The following ZFHX3 variants were observed in gnomAD, a reference collection of about 807,000 sequenced individuals.
ZFHX3 encodes the protein zinc finger homeobox 3.
ZFHX3 carries 42 observed loss-of-function variants against 279.1 expected under a neutral mutation model. The ratio of observed to expected loss-of-function variants is 0.15; its 90% CI spans 0.12 to 0.19. ZFHX3 has a LOEUF of 0.19. Among genes scored for constraint, ZFHX3 ranks in the 10% least tolerant of loss-of-function variants. The pLI, the probability that ZFHX3 is intolerant of heterozygous loss-of-function variation, is 1.00. For synonymous variants in ZFHX3, 2,293 were observed against 1,957.8 expected, an observed-to-expected ratio of 1.17 and a Z score of -4.52; for missense variants, 4,981 against 4,754.0, an observed-to-expected ratio of 1.05 and a Z score of -1.40.
chr16:72,858,915 A>G (rs576164615), intron 4 of ZFHX3, among the ~76,000 whole-genome samples: 11 of 152,300 alleles, frequency 7.2e-5, no homozygotes, highest in African/African-American at 2.4e-4. Flanking sequence ...AGCTTCAGAC[A>G]GCTCATCTAG....
chr16:72,837,281 T>C (rs569115332), intron 4 of ZFHX3, among the ~76,000 whole-genome samples: 1 of 152,302 alleles, frequency 6.6e-6, no homozygotes, highest in African/African-American at 2.4e-5. Flanking sequence ...ACAGGTAATT[T>C]TCCCACCCTG....
intron 2 of ZFHX3, among the ~76,000 whole-genome samples, chr16:73,565,246 C>A (rs2020433442): frequency 6.6e-6 from 1 of 151,226 alleles, no homozygotes; most frequent in Non-Finnish European, 1.5e-5. Flanking sequence ...AGAGCCAGAC[C>A]CCATCTCAAA....
intron 5 of ZFHX3, among the ~76,000 whole-genome samples, chr16:73,176,825 AT>A (rs1363556633): frequency 6.6e-6 from 1 of 152,060 alleles, no homozygotes; most frequent in Admixed American, 6.6e-5. Context: ...TGGGAATGCA[AT>A]GATGTAATAA....
chr16:73,647,024 C>CTTT (rs36121781), intron 2 of ZFHX3, among the ~76,000 whole-genome samples: 4 of 133,970 alleles, frequency 3.0e-5, no homozygotes, highest in Non-Finnish European at 4.7e-5. Flanking sequence ...TTTTTTTTTT[C>CTTT]TTTTTTTTTT....
intron 4 of ZFHX3, among the ~76,000 whole-genome samples, chr16:73,264,188 G>A (rs547625909): frequency 1.3e-5 from 2 of 152,250 alleles, no homozygotes; most frequent in African/African-American, 2.4e-5. Flanking sequence ...GGGCCTGGGA[G>A]TGAGTTTCTT....
In ZFHX3 at chr16:72,889,771, C is replaced by T; in HGVS notation, c.3408G>A (p.Gly1136=). 1.2e-6 allele frequency: 2 copies of T among 1,613,040 alleles called. No homozygotes were observed. The highest frequency in any genetic ancestry group is 2.2e-5 in the South Asian group (2 of 91,024). ...KGLPEEDEDL[G]QIFTIRRCPS... is the part of the protein sequence containing the mutation. ...GGCACCTGCGGATGGTGAAGATCTGCCCCAGGTCCTCGTCCTCCTCTGGAA... is the reference window on the plus strand; with the variant it reads ...GGCACCTGCGGATGGTGAAGATCTGTCCCAGGTCCTCGTCCTCCTCTGGAA... Residue 1136 remains glycine (G), a synonymous_variant, in exon 4 of 10, where the codon GGG becomes GGA. Transcript: ENST00000268489.
At chr16:73,547,241 A>G (rs907079980) in intron 2 of ZFHX3, among the ~76,000 whole-genome samples, 3 of 152,150 alleles carry the variant, frequency 2.0e-5, no homozygotes, top group African/African-American at 7.2e-5. Flanking sequence ...TTATATTTAC[A>G]GAGCAAACCC....
At chr16:73,533,633 T>C (rs1423154620) in intron 2 of ZFHX3, among the ~76,000 whole-genome samples, 1 of 152,094 alleles carries the variant, frequency 6.6e-6, no homozygotes, top group African/African-American at 2.4e-5. Context: ...GCATCTTCAC[T>C]TGAATTTTTA....
chr16:73,292,798 T>C (rs886208217), intron 4 of ZFHX3, among the ~76,000 whole-genome samples: 2 of 152,110 alleles, frequency 1.3e-5, no homozygotes, highest in African/African-American at 4.8e-5. Flanking sequence ...CCAGGTAGGC[T>C]TGATTCCAAG....
chr16:73,690,830 T>A (rs2053142724), intron 1 of ZFHX3, among the ~76,000 whole-genome samples: 1 of 152,196 alleles, frequency 6.6e-6, no homozygotes, highest in Non-Finnish European at 1.5e-5. Flanking sequence ...CCTTACACCA[T>A]CTGCTCGCAC....
At chr16:73,001,426 T>A (rs1447923519) in intron 1 of ZFHX3, among the ~76,000 whole-genome samples, 1 of 152,170 alleles carries the variant, frequency 6.6e-6, no homozygotes, top group Non-Finnish European at 1.5e-5. Context: ...AACTGTAAGA[T>A]AATAAGTGCT....
intron 4 of ZFHX3, among the ~76,000 whole-genome samples, chr16:73,294,811 CAA>C (rs113664978): frequency 4.5e-5 from 6 of 132,934 alleles, no homozygotes; most frequent in African/African-American, 8.0e-5. Context: ...GACTCCATCT[CAA>C]AAAAAAAAAA....
intron 4 of ZFHX3, among the ~76,000 whole-genome samples, chr16:73,304,165 G>A (rs1003524527): frequency 2.0e-5 from 3 of 152,092 alleles, no homozygotes; most frequent in African/African-American, 7.2e-5. Flanking sequence ...TCTGGTCTGT[G>A]TCCAGGTTCA....
intron 5 of ZFHX3, 110 bp downstream of exon 5, chr16:72,829,669 G>A: frequency 8.3e-7 from 1 of 1,211,544 alleles, no homozygotes. Flanking sequence ...GCAGACTAAG[G>A]ATGTATCCGC....
At chr16:73,522,466 C>T (rs2019623721) in intron 2 of ZFHX3, among the ~76,000 whole-genome samples, 1 of 152,106 alleles carries the variant, frequency 6.6e-6, no homozygotes, top group Admixed American at 6.5e-5. Context: ...ATGCCATTAT[C>T]CATAGCCCAG....
At chr16:73,583,533 G>A (rs1168942307) in intron 2 of ZFHX3, among the ~76,000 whole-genome samples, 1 of 152,118 alleles carries the variant, frequency 6.6e-6, no homozygotes, top group African/African-American at 2.4e-5. Flanking sequence ...CATAATTTGG[G>A]ATCATCAAAG....
rs760303298 is a variant in ZFHX3 at position 72,959,618 on chromosome 16, G to A, written c.528C>T (p.Gly176=). 1.1e-5 allele frequency: 17 copies of A among 1,613,992 alleles called. No homozygotes were observed. The highest frequency in any genetic ancestry group is 4.5e-5 in the East Asian group (2 of 44,888). The part of the protein sequence containing the change: ...LPSLFLNSLP[G]AGGKQGDPSC... The stretch of plus-strand genomic sequence containing the variant: ...AAGGGTCCCCTTGCTTGCCCCCCGC[G>A]CCAGGGAGAGAGTTCAGGAAAAGCG... The change falls in exon 2 of 10, where the codon GGC becomes GGT. Residue 176 remains glycine (G), a synonymous_variant. Transcript: ENST00000268489.
chr16:73,300,950 G>A (rs563765750), intron 4 of ZFHX3, among the ~76,000 whole-genome samples: 1 of 152,302 alleles, frequency 6.6e-6, no homozygotes, highest in East Asian at 1.9e-4. Context: ...TGATAAGATC[G>A]GCCTGCATTG....
intron 6 of ZFHX3, among the ~76,000 whole-genome samples, chr16:73,143,118 T>C (rs1293298029): frequency 6.6e-6 from 1 of 151,992 alleles, no homozygotes; most frequent in Non-Finnish European, 1.5e-5. Context: ...AAGCCAACCT[T>C]GTTTCCCCCC....
Sources: gnomAD v4.1 joint callset for allele counts (sites outside exome capture counted in the v4.1 genomes callset) on GRCh38, gnomAD v4.1.1 for gene constraint, MANE v1.5 for transcripts, NCBI Gene and HGNC (gene_info 2026-07-23, HGNC 2026-07-21) for gene names.